Variants in DPP6 observed in about 807,000 individuals in gnomAD.
DPP6 encodes A-type potassium channel modulatory protein DPP6.
A neutral mutation model predicts 122.6 loss-of-function variants in DPP6; 69 were observed. The observed-to-expected ratio is 0.56, with a 90% CI of 0.46 to 0.69. The LOEUF (loss-of-function observed/expected upper bound fraction) is 0.69. DPP6 is among the 30% of genes least tolerant of loss of function. DPP6 has a pLI of 0.00. For missense variants in DPP6, 928 were observed against 1,116.9 expected, an observed-to-expected ratio of 0.83 and a Z score of 2.41; for synonymous variants, 418 against 433.1, an observed-to-expected ratio of 0.97 and a Z score of 0.43.
the DPP6 span, among the ~76,000 whole-genome samples, chr7:153,768,740 C>A: frequency 1.3e-5 from 2 of 152,040 alleles, no homozygotes; most frequent in Non-Finnish European, 2.9e-5. Flanking sequence ...GAAAAGAGTT[C>A]TTTGTCAGAT....
At chr7:154,322,743 G>C (rs1329594999) in intron 1 of DPP6, among the ~76,000 whole-genome samples, 1 of 152,172 alleles carries the variant, frequency 6.6e-6, no homozygotes, top group Admixed American at 6.5e-5. Context: ...ACTATGAAGA[G>C]AGAAGTGTCA....
chr7:153,981,638 C>T (rs1308313426), intron 1 of DPP6, among the ~76,000 whole-genome samples: 4 of 152,106 alleles, frequency 2.6e-5, no homozygotes, highest in East Asian at 1.9e-4. Context: ...TTCATAGTGT[C>T]GATGGTCTTT....
At chr7:154,135,064 C>T (rs940738760) in intron 1 of DPP6, among the ~76,000 whole-genome samples, 3 of 151,606 alleles carry the variant, frequency 2.0e-5, no homozygotes, top group Non-Finnish European at 4.4e-5. Context: ...GTGTATACTT[C>T]CTATGAGCCC....
At position 154,665,744 on chromosome 7, in the gene DPP6, A is replaced by G. The variant is rs116415497; in HGVS notation, c.681-3616A>G. Among the ~76,000 whole-genome samples, 660 of 152,200 alleles carry G rather than the reference A, an allele frequency of 4.3e-3. 2 individuals are homozygous for G. Among genetic ancestry groups the G allele is most frequent in the African/African-American group, 0.015 (634 of 41,520 alleles). Reference sequence around the variant, plus strand: ...CTAACCCATGGACACACACATATCTATATTTTGGATCTATCTGTGTACATA... The same window carrying G: ...CTAACCCATGGACACACACATATCTGTATTTTGGATCTATCTGTGTACATA... On this transcript the variant is annotated intron_variant, in intron 6 of 25. Transcript: ENST00000377770.
At chr7:153,826,841 T>A in the DPP6 span, among the ~76,000 whole-genome samples, 134,792 of 152,056 alleles carry the variant, frequency 0.89, 59,888 homozygotes, top group African/African-American at 0.94. Context: ...ATTCAGCAAA[T>A]ATATATATAT....
chr7:154,027,740 C>T (rs367866517), intron 1 of DPP6, among the ~76,000 whole-genome samples: 19 of 151,762 alleles, frequency 1.3e-4, no homozygotes, highest in East Asian at 3.9e-4. Flanking sequence ...TGCTTGTTCT[C>T]GCTCATCTGG....
At chr7:153,876,083 T>C in the DPP6 span, among the ~76,000 whole-genome samples, 1 of 151,944 alleles carries the variant, frequency 6.6e-6, no homozygotes, top group Non-Finnish European at 1.5e-5. Context: ...GATTAAAGGG[T>C]CTATCTGACA....
At chr7:154,663,052 C>A (rs1370755408) in intron 6 of DPP6, among the ~76,000 whole-genome samples, 2 of 33,528 alleles carry the variant, frequency 6.0e-5, no homozygotes, top group African/African-American at 1.6e-4. Context: ...CTAGTGTTCA[C>A]GCAGTCATGG....
chr7:154,293,564 A>C (rs145944387), intron 1 of DPP6, among the ~76,000 whole-genome samples: 2 of 152,308 alleles, frequency 1.3e-5, no homozygotes, highest in East Asian at 3.9e-4. Context: ...ATTTGGAAAC[A>C]TCTGGCTGAG....
At chr7:153,844,372 A>G in the DPP6 span, among the ~76,000 whole-genome samples, 1 of 152,168 alleles carries the variant, frequency 6.6e-6, no homozygotes, top group Admixed American at 6.5e-5. Context: ...TGAACAATAA[A>G]CCAATAGCAC....
intron 7 of DPP6, among the ~76,000 whole-genome samples, chr7:154,722,414 C>T (rs1841864815): frequency 6.6e-6 from 1 of 152,212 alleles, no homozygotes. Context: ...CCAATGACAT[C>T]CCTAACCCTG....
intron 1 of DPP6, among the ~76,000 whole-genome samples, chr7:154,165,373 A>G (rs1370740809): frequency 7.0e-6 from 1 of 143,780 alleles, no homozygotes; most frequent in African/African-American, 2.9e-5. Context: ...TCCATGGTGT[A>G]TATGTGCCAC....
intron 3 of DPP6, among the ~76,000 whole-genome samples, chr7:154,487,430 G>T (rs1333773504): frequency 2.6e-5 from 4 of 152,188 alleles, no homozygotes; most frequent in Admixed American, 6.5e-5. Flanking sequence ...GGCCAGCCTG[G>T]TCTTTCTTCA....
chr7:153,954,611 T>C (rs1348003587), intron 1 of DPP6, among the ~76,000 whole-genome samples: 1 of 152,156 alleles, frequency 6.6e-6, no homozygotes, highest in Non-Finnish European at 1.5e-5. Context: ...AGAGATTAAA[T>C]TTACATCAGT....
At chr7:154,023,577 G>A (rs1202095994) in intron 1 of DPP6, among the ~76,000 whole-genome samples, 8 of 151,762 alleles carry the variant, frequency 5.3e-5, no homozygotes, top group African/African-American at 1.9e-4. Context: ...CGCCTCCTGG[G>A]TTCAAGTGAT....
At chr7:154,219,123 G>A (rs146366148) in intron 1 of DPP6, among the ~76,000 whole-genome samples, 80 of 152,272 alleles carry the variant, frequency 5.3e-4, no homozygotes, top group Non-Finnish European at 7.4e-4. Flanking sequence ...ACTTGATGGT[G>A]GGGAGAAAAG....
intron 7 of DPP6, among the ~76,000 whole-genome samples, chr7:154,686,303 A>G (rs552248722): frequency 6.6e-6 from 1 of 152,202 alleles, no homozygotes; most frequent in African/African-American, 2.4e-5. Flanking sequence ...CTCAAGACCA[A>G]ATGTTCTCAA....
chr7:154,383,423 A>G (rs75716734), intron 1 of DPP6, among the ~76,000 whole-genome samples: 3,383 of 152,340 alleles, frequency 0.022, 117 homozygotes, highest in African/African-American at 0.077. Context: ...ATCGATTTGC[A>G]AAACATTGTT....
chr7:154,412,761 A>T (rs769114507), intron 1 of DPP6, among the ~76,000 whole-genome samples: 3 of 152,056 alleles, frequency 2.0e-5, no homozygotes, highest in Non-Finnish European at 4.4e-5. Context: ...ACTTCATCTC[A>T]CTCGACGACC....
Sources: allele counts gnomAD v4.1 joint callset (sites outside exome capture counted in the v4.1 genomes callset), GRCh38; gene constraint gnomAD v4.1.1; transcripts MANE v1.5; gene names NCBI Gene and HGNC (gene_info 2026-07-23, HGNC 2026-07-21).